ULK4: variants seen among roughly 807,000 people sequenced by gnomAD.
ULK4 encodes inactive serine/threonine-protein kinase ULK4.
In ULK4, 133 loss-of-function variants were observed where a neutral mutation model predicts 160.6. The observed-to-expected ratio is 0.83, with a 90% CI of 0.72 to 0.96. The LOEUF is 0.96. ULK4 is among the 40% of genes least tolerant of loss of function. ULK4 has a pLI of 0.00. For synonymous variants in ULK4, 534 were observed against 539.8 expected, an observed-to-expected ratio of 0.99 and a Z score of 0.15; for missense variants, 1,580 against 1,499.5, an observed-to-expected ratio of 1.05 and a Z score of -0.89.
chr3:41,490,695 G>A (rs2084723354), intron 32 of ULK4, among the ~76,000 whole-genome samples: 1 of 152,204 alleles, frequency 6.6e-6, no homozygotes, highest in African/African-American at 2.4e-5. Context: ...TTTGAACCGA[G>A]CAAGATGCTT....
chr3:41,724,894 C>T (rs1363110054), intron 22 of ULK4, among the ~76,000 whole-genome samples: 1 of 152,138 alleles, frequency 6.6e-6, no homozygotes, highest in Admixed American at 6.5e-5. Flanking sequence ...TGTTAATTGA[C>T]CATCTGGAGA....
chr3:41,748,352 C>T (rs1337514015), intron 22 of ULK4, among the ~76,000 whole-genome samples: 2 of 151,478 alleles, frequency 1.3e-5, no homozygotes, highest in Admixed American at 6.6e-5. Flanking sequence ...AATGGCAATA[C>T]ATATATTAAC....
chr3:41,370,473 T>G (rs767076984), intron 35 of ULK4, among the ~76,000 whole-genome samples: 54 of 152,134 alleles, frequency 3.5e-4, no homozygotes, highest in Non-Finnish European at 5.7e-4. Flanking sequence ...CTGGGACTGG[T>G]TAACTGGTTA....
chr3:41,934,471 G>A (rs1364847288), intron 4 of ULK4, among the ~76,000 whole-genome samples: 1 of 152,182 alleles, frequency 6.6e-6, no homozygotes, highest in Non-Finnish European at 1.5e-5. Flanking sequence ...CAATTCCTCA[G>A]AGGATGTACT....
chr3:41,690,264 G>A (rs1257812231), intron 27 of ULK4, among the ~76,000 whole-genome samples: 3 of 151,288 alleles, frequency 2.0e-5, no homozygotes, highest in East Asian at 1.9e-4. Context: ...ACACAGGAAG[G>A]GGAACATCAC....
chr3:41,797,856 T>A (rs903246819), intron 20 of ULK4, among the ~76,000 whole-genome samples: 1 of 146,312 alleles, frequency 6.8e-6, no homozygotes, highest in East Asian at 2.0e-4. Context: ...AGCACAACTC[T>A]ATCTCAAAAA....
chr3:41,507,971 G>A (rs1205377184), intron 32 of ULK4, among the ~76,000 whole-genome samples: 2 of 152,224 alleles, frequency 1.3e-5, no homozygotes, highest in African/African-American at 4.8e-5. Flanking sequence ...GCCACTGCAA[G>A]CTCCCTGAGA....
intron 30 of ULK4, among the ~76,000 whole-genome samples, chr3:41,648,412 A>G (rs2034602403): frequency 1.3e-5 from 2 of 152,248 alleles, no homozygotes; most frequent in Admixed American, 1.3e-4. Flanking sequence ...TACAGCTCCA[A>G]ATAGAATTAT....
intron 32 of ULK4, among the ~76,000 whole-genome samples, chr3:41,507,178 CA>C (rs149739568): frequency 2.4e-4 from 20 of 82,112 alleles, no homozygotes; most frequent in East Asian, 2.3e-3. Flanking sequence ...TAACCAGGAG[CA>C]AAAAAAAAAA....
At chr3:41,862,812 T>C (rs1406751690) in intron 17 of ULK4, among the ~76,000 whole-genome samples, 7 of 140,814 alleles carry the variant, frequency 5.0e-5, no homozygotes, top group Non-Finnish European at 1.1e-4. Flanking sequence ...TCTCTCTCTC[T>C]CTCCCTCTTT....
At chr3:41,926,424 A>G (rs1024944140) in intron 5 of ULK4, among the ~76,000 whole-genome samples, 7 of 152,144 alleles carry the variant, frequency 4.6e-5, no homozygotes, top group African/African-American at 7.2e-5. Context: ...AATTCCAAAA[A>G]CCAGAACGCC....
intron 21 of ULK4, among the ~76,000 whole-genome samples, chr3:41,768,373 A>AAC (rs1178047862): frequency 1.3e-5 from 2 of 152,190 alleles, no homozygotes; most frequent in Non-Finnish European, 2.9e-5. Flanking sequence ...TTTCATGAAA[A>AAC]ACACTAATGA....
chr3:41,266,954 A>G (rs2079045238), intron 35 of ULK4, among the ~76,000 whole-genome samples: 1 of 140,572 alleles, frequency 7.1e-6, no homozygotes, highest in South Asian at 2.3e-4. Flanking sequence ...AGTGGAAAAT[A>G]TAACCCTCTT....
rs765337245 is a variant in ULK4 at position 41,896,849 on chromosome 3, C to G, written c.1503G>C (p.Val501=). Reference sequence around the variant, plus strand: ...GGGGGGAATGGAGGAGCCTGGTGGCCACCTCCTGGTGACCAGCCACCACGC... The same window carrying G: ...GGGGGGAATGGAGGAGCCTGGTGGCGACCTCCTGGTGACCAGCCACCACGC... ...YLCVVAGHQE[V]ATRLLHSPLF... Residue 501 remains valine, a synonymous_variant, in exon 15 of 37, where the codon GTG becomes GTC. Coordinates refer to ENST00000301831, the MANE Select transcript of ULK4 (RefSeq NM_017886.4). The G allele has an allele frequency of 1.7e-5, 28 of 1,612,814 alleles. No individual in the cohort carries two copies. In the East Asian group the frequency reaches 6.2e-4, roughly 36 times the overall value.
chr3:41,559,330 A>G (rs529430969), intron 32 of ULK4, among the ~76,000 whole-genome samples: 1 of 138,292 alleles, frequency 7.2e-6, no homozygotes, highest in African/African-American at 2.5e-5. Flanking sequence ...GTGCTGCAAT[A>G]AACATACGTG....
At chr3:41,629,245 G>C (rs886512930) in intron 30 of ULK4, among the ~76,000 whole-genome samples, 3 of 152,162 alleles carry the variant, frequency 2.0e-5, no homozygotes, top group Non-Finnish European at 2.9e-5. Context: ...AAGCTGTGGG[G>C]GATGGGAACA....
At chr3:41,787,931 C>T (rs1361757513) in intron 21 of ULK4, among the ~76,000 whole-genome samples, 3 of 152,098 alleles carry the variant, frequency 2.0e-5, no homozygotes, top group Non-Finnish European at 4.4e-5. Context: ...CAATCCATGC[C>T]TGTGCTGAAG....
chr3:41,882,415 T>G (rs1462141373), intron 17 of ULK4: 8 of 635,506 alleles, frequency 1.3e-5, no homozygotes, highest in Non-Finnish European at 2.0e-5. Flanking sequence ...ATCATCTCAA[T>G]TCAGACTAGC....
intron 32 of ULK4, among the ~76,000 whole-genome samples, chr3:41,475,354 G>C (rs1338544167): frequency 6.6e-6 from 1 of 152,182 alleles, no homozygotes; most frequent in Admixed American, 6.5e-5. Flanking sequence ...AGAATGTGGA[G>C]ATGATGGTCA....
Sources: allele counts gnomAD v4.1 joint callset (sites outside exome capture counted in the v4.1 genomes callset), GRCh38; gene constraint gnomAD v4.1.1; transcripts MANE v1.5; gene names NCBI Gene and HGNC (gene_info 2026-07-23, HGNC 2026-07-21).